The following GPR107 variants were observed in gnomAD, a reference collection of about 807,000 sequenced individuals.
GPR107 encodes G protein-coupled receptor 107.
In GPR107, 31 loss-of-function variants were observed where a neutral mutation model predicts 75.5. The observed-to-expected ratio is 0.41, with a 90% CI of 0.31 to 0.55. GPR107 has a LOEUF of 0.55. GPR107 is among the 20% of genes least tolerant of loss of function. The probability of loss-of-function intolerance (pLI) is 0.26; values close to 1 mark genes in which losing one functional copy is unlikely to be tolerated. For synonymous variants in GPR107, 267 were observed against 251.3 expected, an observed-to-expected ratio of 1.06 and a Z score of -0.59; for missense variants, 572 against 665.7, an observed-to-expected ratio of 0.86 and a Z score of 1.55.
chr9:130,131,641 C>T (rs77955321), intron 17 of GPR107, among the ~76,000 whole-genome samples: 5,835 of 152,004 alleles, frequency 0.038, 303 homozygotes, highest in African/African-American at 0.12. Context: ...AAGCCACAGT[C>T]TTCCTGCATC....
intron 17 of GPR107, among the ~76,000 whole-genome samples, chr9:130,133,412 T>C (rs1436195346): frequency 6.6e-6 from 1 of 152,214 alleles, no homozygotes; most frequent in Admixed American, 6.5e-5. Context: ...AGGACAGCTG[T>C]GTGATTACTG....
At chr9:130,094,356 A>G (rs1055299659) in intron 9 of GPR107, among the ~76,000 whole-genome samples, 2 of 152,142 alleles carry the variant, frequency 1.3e-5, no homozygotes, top group Non-Finnish European at 2.9e-5. Flanking sequence ...AAGCAGGAGA[A>G]TGGCGTGAAC....
chr9:130,078,241 G>A (rs920150603), intron 4 of GPR107, among the ~76,000 whole-genome samples: 1 of 152,020 alleles, frequency 6.6e-6, no homozygotes, highest in Non-Finnish European at 1.5e-5. Context: ...TTCCAACTGC[G>A]TACTTTGTAA....
chr9:130,106,779 A>T (rs1831171947), intron 13 of GPR107, among the ~76,000 whole-genome samples: 1 of 151,878 alleles, frequency 6.6e-6, no homozygotes, highest in African/African-American at 2.4e-5. Context: ...AGGAAGAGTA[A>T]TTGATTTGCT....
rs893003405 is a variant in GPR107 at position 130,106,287 on chromosome 9, A to C, written c.1263-1209A>C. ...AATGAAAAAAGTCAGTAAGTACTGG[A>C]GAGGTGATTCAAGATTAATAATATT... On this transcript the variant is annotated intron_variant, in intron 13 of 17. Coordinates refer to ENST00000347136, the MANE Select transcript of GPR107 (RefSeq NM_020960.5). 5.9e-5 allele frequency among the ~76,000 whole-genome samples: 9 copies of C among 152,186 alleles called. No homozygotes were observed. In the East Asian group the frequency reaches 1.5e-3, roughly 26 times the overall value.
Position 130,067,322 on chromosome 9 carries a change from T to C in GPR107, c.142-8314T>C, listed in dbSNP as rs778984990. ...AAAGCATCTGTGATAAGTCAGAGAC[T>C]GTGCTAAATATTTGATGCTTTTTAT... On this transcript the variant is annotated intron_variant, in intron 1 of 17. Transcript: ENST00000347136. 7.2e-4 allele frequency among the ~76,000 whole-genome samples: 110 copies of C among 152,218 alleles called. 1 individual carries two copies. Among genetic ancestry groups the C allele is most frequent in the Admixed American group, 3.7e-3 (57 of 15,270 alleles).
chr9:130,077,484 C>T, intron 4 of GPR107, 106 bp downstream of exon 4: 1 of 702,468 alleles, frequency 1.4e-6, no homozygotes, highest in South Asian at 1.6e-5. Flanking sequence ...AGAGACCGTG[C>T]TGAGTGCTGG....
chr9:130,065,167 G>A (rs1251764817), intron 1 of GPR107, among the ~76,000 whole-genome samples: 7 of 151,964 alleles, frequency 4.6e-5, no homozygotes, highest in South Asian at 2.1e-4. Flanking sequence ...AGTGATATTC[G>A]CAGCCGGGCA....
intron 2 of GPR107, among the ~76,000 whole-genome samples, chr9:130,076,092 C>CT (rs774994357): frequency 1.3e-5 from 2 of 152,084 alleles, no homozygotes; most frequent in Non-Finnish European, 2.9e-5. Flanking sequence ...GGGGTTTACT[C>CT]TTTTAGCTTA....
chr9:130,112,278 C>T lies in GPR107; in HGVS notation c.1306+4739C>T, dbSNP rs954370631. Among the ~76,000 whole-genome samples the T allele has an allele frequency of 2.0e-5, 3 of 152,202 alleles. No homozygotes were observed. The highest frequency in any genetic ancestry group is 7.2e-5 in the African/African-American group (3 of 41,452). On this transcript the variant is annotated intron_variant, in intron 14 of 17. Coordinates refer to ENST00000347136, the MANE Select transcript of GPR107 (RefSeq NM_020960.5). This position sits in a 1 kb window ranked among gnomAD's most constrained non-coding sequence, Gnocchi z 4.0. The stretch of plus-strand genomic sequence containing the variant: ...GAACGGCTTCATTCCGAGGTGCCGC[C>T]GTGCTCTGAAAGGAGCCGCGACCAT...
intron 1 of GPR107, among the ~76,000 whole-genome samples, chr9:130,066,294 T>C (rs1410284119): frequency 6.6e-6 from 1 of 151,956 alleles, no homozygotes; most frequent in Non-Finnish European, 1.5e-5. Flanking sequence ...AGTGAAACTC[T>C]GTCCCAAGAA....
intron 1 of GPR107, among the ~76,000 whole-genome samples, chr9:130,068,955 G>A (rs978286575): frequency 6.6e-5 from 10 of 152,026 alleles, no homozygotes; most frequent in Admixed American, 6.6e-4. Flanking sequence ...GCCCAGGCTG[G>A]TCTCAAACTC....
intron 17 of GPR107, among the ~76,000 whole-genome samples, chr9:130,132,543 T>C (rs782287121): frequency 9.9e-5 from 15 of 152,162 alleles, no homozygotes; most frequent in Non-Finnish European, 1.9e-4. Flanking sequence ...TCCCAGCACT[T>C]TGGGAGGCCG....
intron 17 of GPR107, among the ~76,000 whole-genome samples, chr9:130,132,819 T>TTTTATATA (rs1831860069): frequency 9.8e-6 from 1 of 102,546 alleles, no homozygotes; most frequent in African/African-American, 3.9e-5. Context: ...ATATATATAT[T>TTTTATATA]TTTATATATT....
In GPR107 at chr9:130,128,782, C is replaced by T. The variant is rs1329977701; in HGVS notation, c.1562+21C>T. The stretch of plus-strand genomic sequence containing the variant: ...TCCGTGTAAGAAATCTTTCTTCCCT[C>T]TTCCTTAGCCCTGACCCCTTTGCCT... On this transcript the variant is annotated intron_variant, in intron 17 of 17. Transcript: ENST00000347136. 9.3e-6 allele frequency: 15 copies of T among 1,611,632 alleles called. No homozygotes were observed. In the Admixed American group the frequency reaches 1.0e-4, roughly 11 times the overall value.
At chr9:130,105,816 C>G (rs1047752187) in intron 13 of GPR107, among the ~76,000 whole-genome samples, 5 of 151,866 alleles carry the variant, frequency 3.3e-5, no homozygotes, top group Non-Finnish European at 5.9e-5. Context: ...ACCACAGGCA[C>G]ACACTACCAT....
rs1420067574 is a variant in GPR107, at chr9:130,103,100, C to T, written c.1132-1320C>T. Among the ~76,000 whole-genome samples the T allele has an allele frequency of 6.6e-6, 1 of 152,108 alleles. No individual in the cohort carries two copies. The highest frequency in any genetic ancestry group is 1.5e-5 in the Non-Finnish European group (1 of 68,028). On this transcript the variant is annotated intron_variant, in intron 12 of 17. Coordinates refer to ENST00000347136, the MANE Select transcript of GPR107 (RefSeq NM_020960.5). The surrounding 1 kb of genome is among the most constrained non-coding windows in gnomAD (Gnocchi z 4.3). ...GCCACCGCACCCAGCCCTACTTTGTCTTTTTAGATGGAGCCACAGATGCTA... is the reference window on the plus strand; with the variant it reads ...GCCACCGCACCCAGCCCTACTTTGTTTTTTTAGATGGAGCCACAGATGCTA...
chr9:130,104,593 G>C (rs1221572189), intron 13 of GPR107, 43 bp downstream of exon 13: 1 of 1,577,632 alleles, frequency 6.3e-7, no homozygotes, highest in African/African-American at 1.3e-5. Context: ...CAGCTTGGCT[G>C]TCAAGCCCAA....
chr9:130,104,612 C>A, intron 13 of GPR107, 62 bp downstream of exon 13: 1 of 1,391,758 alleles, frequency 7.2e-7, no homozygotes, highest in Non-Finnish European at 1.0e-6. Flanking sequence ...AATAGCTGAA[C>A]TGGCCATTCC....
Sources: allele counts gnomAD v4.1 joint callset (sites outside exome capture counted in the v4.1 genomes callset), GRCh38; gene constraint gnomAD v4.1.1; non-coding constraint Gnocchi (gnomAD v3.1); transcripts MANE v1.5; gene names NCBI Gene and HGNC (gene_info 2026-07-23, HGNC 2026-07-21).